Variants in PRMT8 observed in about 807,000 individuals in gnomAD.
The protein encoded by PRMT8 is protein arginine N-methyltransferase 8.
Under a neutral mutation model 47.1 loss-of-function variants are expected in PRMT8, and 7 were observed. That is an observed-to-expected ratio of 0.15 (90% CI 0.08 to 0.28). PRMT8 has a LOEUF of 0.28. Among genes scored for constraint, PRMT8 ranks in the 10% least tolerant of loss-of-function variants. The probability of loss-of-function intolerance (pLI) is 1.00; values close to 1 mark genes in which losing one functional copy is unlikely to be tolerated. For missense variants in PRMT8, 237 were observed against 505.4 expected (o/e 0.47, Z 5.09); for synonymous variants, 188 against 186.5 (o/e 1.01, Z -0.07).
rs113138063 is a variant in PRMT8 at position 3,436,711 on chromosome 12, G to A, written c.48+55269G>A. 3.3e-5 allele frequency among the ~76,000 whole-genome samples: 5 copies of A among 152,302 alleles called. No individual in the cohort carries two copies. The highest frequency in any genetic ancestry group is 9.6e-5 in the African/African-American group (4 of 41,568). ...CCTGGAAATGCAAAAGCCATGAGTC[G>A]GTTAAACATCAAGGTGAAGTTATTT... On this transcript the variant is annotated intron_variant, in intron 1 of 9. Coordinates refer to the PRMT8 transcript ENST00000452611. The surrounding 1 kb of genome is among the most constrained non-coding windows in gnomAD (Gnocchi z 4.2).
At chr12:3,466,021 G>A (rs1865094459) in intron 1 of PRMT8, among the ~76,000 whole-genome samples, 1 of 152,166 alleles carries the variant, frequency 6.6e-6, no homozygotes, top group Non-Finnish European at 1.5e-5. Flanking sequence ...TAGGAGGAAG[G>A]GCACTGACGC....
intron 4 of PRMT8, among the ~76,000 whole-genome samples, chr12:3,562,667 C>T (rs1342565822): frequency 1.3e-5 from 2 of 152,098 alleles, no homozygotes; most frequent in Non-Finnish European, 2.9e-5. Flanking sequence ...TCATCTGTGT[C>T]GTTAGCTTGA....
chr12:3,425,968 C>A (rs1246443931), intron 1 of PRMT8, among the ~76,000 whole-genome samples: 1 of 152,270 alleles, frequency 6.6e-6, no homozygotes, highest in African/African-American at 2.4e-5. Flanking sequence ...AGTTTCCTCC[C>A]TGTTGTGAGA....
intron 1 of PRMT8, chr12:3,469,035 G>A: frequency 2.4e-6 from 1 of 424,756 alleles, no homozygotes; most frequent in Non-Finnish European, 4.6e-6. Flanking sequence ...TGTGCACAAT[G>A]CGTGCCTGAC....
At chr12:3,393,242 C>T (rs1864213815) in intron 1 of PRMT8, among the ~76,000 whole-genome samples, 1 of 152,080 alleles carries the variant, frequency 6.6e-6, no homozygotes, top group South Asian at 2.1e-4. Flanking sequence ...TCAATTTTGG[C>T]TTTTGTTGCC....
At chr12:3,394,031 GA>G (rs1396874973) in intron 1 of PRMT8, among the ~76,000 whole-genome samples, 2 of 138,480 alleles carry the variant, frequency 1.4e-5, no homozygotes, top group Non-Finnish European at 3.1e-5. Context: ...TGGTGTATAA[GA>G]ATGCTTGTGA....
rs978166100 is a variant in PRMT8 at position 3,564,416 on chromosome 12, A to G, written c.482-4290A>G. ...GATTTGTTTAAAAACAAAAATGACC[A>G]TTAATGAGAATGACTAGATTTCTGT... On this transcript the variant is annotated intron_variant, in intron 4 of 9. Coordinates refer to ENST00000382622, the MANE Select transcript of PRMT8 (RefSeq NM_019854.5). This position sits in a 1 kb window ranked among gnomAD's most constrained non-coding sequence, Gnocchi z 4.0. Among the ~76,000 whole-genome samples, 4 of 152,240 alleles carry G rather than the reference A, an allele frequency of 2.6e-5. No homozygotes were observed. Among genetic ancestry groups the G allele is most frequent in the Non-Finnish European group, 5.9e-5 (4 of 68,042 alleles).
chr12:3,513,592 A>G (rs1283828472), intron 1 of PRMT8, among the ~76,000 whole-genome samples: 1 of 152,112 alleles, frequency 6.6e-6, no homozygotes, highest in Non-Finnish European at 1.5e-5. Context: ...TGCAGTTTTT[A>G]GGGAATGCGT....
In PRMT8 at chr12:3,516,685, T is replaced by C. The variant is rs1048812611; in HGVS notation, c.76-23921T>C. On this transcript the variant is annotated intron_variant, in intron 1 of 9. Coordinates refer to ENST00000382622, the MANE Select transcript of PRMT8 (RefSeq NM_019854.5). ...AGGAAATAATGTATACAGTGGTCCA[T>C]TTCCAAGACAAAGGGCCTTGATTTG... is the stretch of plus-strand genomic sequence containing the variant. 3.3e-5 allele frequency among the ~76,000 whole-genome samples: 5 copies of C among 152,262 alleles called. 1 individual carries two copies. The highest frequency in any genetic ancestry group is 6.5e-5 in the Admixed American group (1 of 15,302).
chr12:3,569,092 G>A lies in PRMT8; in HGVS notation c.624+244G>A, dbSNP rs1303629077. On this transcript the variant is annotated intron_variant, in intron 5 of 9. Transcript: ENST00000382622. This position sits in a 1 kb window ranked among gnomAD's most constrained non-coding sequence, Gnocchi z 8.2. ...CACCGCAGCCTCTTTTGCAATAACA[G>A]ACATCCGTTCTCTCTTGTCGAGTTA... 6.6e-6 allele frequency among the ~76,000 whole-genome samples: 1 copy of A among 152,166 alleles called. No individual in the cohort carries two copies. The highest frequency in any genetic ancestry group is 1.5e-5 in the Non-Finnish European group (1 of 68,022).
At position 3,568,777 on chromosome 12, in the gene PRMT8, G is replaced by A. The variant is rs1191843077; in HGVS notation, c.553G>A (p.Glu185Lys). The A allele has an allele frequency of 2.5e-6, 4 of 1,614,178 alleles. No homozygotes were observed. The highest frequency in any genetic ancestry group is 1.1e-5 in the South Asian group (1 of 91,070). Reference sequence around the variant, plus strand: ...GGAGAAGGTGGACATCATCATCAGCGAGTGGATGGGCTACTGTCTGTTCTA... The same window carrying A: ...GGAGAAGGTGGACATCATCATCAGCAAGTGGATGGGCTACTGTCTGTTCTA... ...PVEKVDIIIS[E>K]WMGYCLFYES... Residue 185 changes from glutamate (E) to lysine (K), a missense_variant, in exon 5 of 10, where the codon GAG becomes AAG. Glu to Lys is a moderately conservative substitution (Grantham distance 56). Around this residue, in one of 5 missense-constraint regions of PRMT8, gnomAD observed 151 missense variants for 341.1 expected, o/e 0.44. Transcript: ENST00000382622.
At position 3,453,249 on chromosome 12, in the gene PRMT8, G is replaced by T. The variant is rs1009115598; in HGVS notation, c.48+71807G>T. ...GGTTCCTTCCCTCCCCACGCCCCTC[G>T]CTCACTCTAGTCCTGGCTCCCTTTA... On this transcript the variant is annotated intron_variant, in intron 1 of 9. Coordinates refer to the PRMT8 transcript ENST00000452611. This position sits in a 1 kb window ranked among gnomAD's most constrained non-coding sequence, Gnocchi z 4.9. Among the ~76,000 whole-genome samples, 1 of 152,058 alleles carries T rather than the reference G, an allele frequency of 6.6e-6. No homozygotes were observed. Among genetic ancestry groups the T allele is most frequent in the Non-Finnish European group, 1.5e-5 (1 of 68,000 alleles).
In PRMT8 at chr12:3,592,185, G is replaced by A. The variant is rs759317892; in HGVS notation, c.980-46G>A. 3.1e-5 allele frequency: 47 copies of A among 1,529,526 alleles called. No individual in the cohort carries two copies. In the South Asian group the frequency reaches 3.7e-4, roughly 12 times the overall value. The allele number at this position is 1,529,526 out of a possible 1,614,324, so 94.7% of individuals were successfully genotyped here. ...CCAGCCTCATCCCTTTGGAGACTTC[G>A]TCTCTGACTCTTTCTTCCCACCTCC... is the stretch of plus-strand genomic sequence containing the variant. On this transcript the variant is annotated intron_variant, in intron 8 of 9. Coordinates refer to ENST00000382622, the MANE Select transcript of PRMT8 (RefSeq NM_019854.5).
chr12:3,467,091 T>G (rs2137092149), intron 1 of PRMT8, among the ~76,000 whole-genome samples: 1 of 151,518 alleles, frequency 6.6e-6, no homozygotes, highest in African/African-American at 2.4e-5. Context: ...TACAAAAAAA[T>G]TAACCGGGCG....
Position 3,566,042 on chromosome 12 carries a change from C to T in PRMT8, c.482-2664C>T, listed in dbSNP as rs1866714619. ...AGGAGGAGGAACTGACCCATAGCCA[C>T]ACAGACACAGGCAGACATTAGGGAA... On this transcript the variant is annotated intron_variant, in intron 4 of 9. Transcript: ENST00000382622. The surrounding 1 kb of genome is among the most constrained non-coding windows in gnomAD (Gnocchi z 4.7). 2.6e-5 allele frequency among the ~76,000 whole-genome samples: 4 copies of T among 152,094 alleles called. No homozygotes were observed. In the South Asian group the frequency reaches 8.3e-4, roughly 32 times the overall value.
chr12:3,560,117 C>T (rs1341622779), intron 4 of PRMT8, among the ~76,000 whole-genome samples: 2 of 152,186 alleles, frequency 1.3e-5, no homozygotes, highest in Non-Finnish European at 1.5e-5. Context: ...GTAGAGCCAG[C>T]GAGGCCACGC....
At chr12:3,393,531 T>C (rs1864216723) in intron 1 of PRMT8, among the ~76,000 whole-genome samples, 3 of 152,102 alleles carry the variant, frequency 2.0e-5, no homozygotes, top group Admixed American at 2.0e-4. Flanking sequence ...TGTAGACATG[T>C]GGTGTTATTT....
intron 1 of PRMT8, among the ~76,000 whole-genome samples, chr12:3,387,320 T>C (rs1486450897): frequency 6.6e-6 from 1 of 152,216 alleles, no homozygotes; most frequent in Non-Finnish European, 1.5e-5. Flanking sequence ...AATCAGAGGA[T>C]GTCCCCATTA....
intron 1 of PRMT8, among the ~76,000 whole-genome samples, chr12:3,383,243 ATATC>A (rs1358515787): frequency 2.0e-5 from 3 of 152,234 alleles, no homozygotes; most frequent in African/African-American, 7.2e-5. Flanking sequence ...AAGCTTGTCT[ATATC>A]TATAAAAATC....
Sources: allele counts gnomAD v4.1 joint callset (sites outside exome capture counted in the v4.1 genomes callset), GRCh38; gene constraint gnomAD v4.1.1; regional missense constraint gnomAD v4.1.1; non-coding constraint Gnocchi (gnomAD v3.1); transcripts MANE v1.5; gene names NCBI Gene and HGNC (gene_info 2026-07-23, HGNC 2026-07-21).